SBNO1: variants seen among roughly 807,000 people sequenced by gnomAD.
SBNO1 encodes protein strawberry notch homolog 1.
Under a neutral mutation model 173.6 loss-of-function variants are expected in SBNO1, and 23 were observed. The ratio of observed to expected loss-of-function variants is 0.13; its 90% CI spans 0.10 to 0.19. SBNO1 has a LOEUF of 0.19. Among genes scored for constraint, SBNO1 ranks in the 10% least tolerant of loss-of-function variants. SBNO1 has a pLI of 1.00. For synonymous variants in SBNO1, 632 were observed against 571.5 expected (o/e 1.11, Z -1.51); for missense variants, 1,238 against 1,671.2 (o/e 0.74, Z 4.52).
Position 123,293,944 on chromosome 12 carries a change from G to A in SBNO1, c.*1964C>T, listed in dbSNP as rs774959755. 2.0e-5 allele frequency: 3 copies of A among 152,338 alleles called. No individual in the cohort carries two copies. Among genetic ancestry groups the A allele is most frequent in the South Asian group, 2.1e-4 (1 of 4,828 alleles). 9.4% of individuals were successfully genotyped at this position (152,338 alleles called of 1,614,324 possible). On this transcript the variant is annotated 3_prime_UTR_variant, in exon 32 of 32. Coordinates refer to ENST00000602398, the MANE Select transcript of SBNO1 (RefSeq NM_001167856.3). ...AGTGGGGGACACTTCCATTGCTGATGGAAGCTGCCTACTGCTTTTAAAAAC... is the reference window on the plus strand; with the variant it reads ...AGTGGGGGACACTTCCATTGCTGATAGAAGCTGCCTACTGCTTTTAAAAAC...
In SBNO1 at chr12:123,292,308, T is replaced by G. The variant is rs1410161642; in HGVS notation, c.*3600A>C. The G allele has an allele frequency of 6.6e-6, 1 of 152,132 alleles. No homozygotes were observed. The highest frequency in any genetic ancestry group is 1.5e-5 in the Non-Finnish European group (1 of 68,028). 9.4% of individuals were successfully genotyped at this position (152,132 alleles called of 1,614,324 possible). A position where few individuals can be genotyped will look rare whatever the true frequency, so the allele number is the denominator to read the frequency against. On this transcript the variant is annotated 3_prime_UTR_variant, in exon 32 of 32. Transcript: ENST00000602398. ...CTACCAAGTATCACACAGGTACATG[T>G]GTATGGGGACCTTCCTCTTGACTGC...
In SBNO1 at chr12:123,334,133, T is replaced by C; in HGVS notation, c.829A>G (p.Lys277Glu). 6.2e-7 allele frequency: 1 copy of C among 1,606,242 alleles called. No homozygotes were observed. ...SSVTPPDVWY[K>E]TSISEETIDN... ...ATGGTTTCCTCAGAAATGGATGTTT[T>C]GTACCAAACATCAGGAGGAGTAACA... Residue 277 changes from lysine to glutamate, a missense_variant, in exon 7 of 32, where the codon AAA (lysine) becomes GAA (glutamate). Physicochemically the swap from Lys to Glu is moderately conservative, Grantham distance 56 (BLOSUM62 1). Coordinates refer to ENST00000602398, the MANE Select transcript of SBNO1 (RefSeq NM_001167856.3).
chr12:123,317,079 C>T, intron 21 of SBNO1, 142 bp downstream of exon 21: 1 of 788,554 alleles, frequency 1.3e-6, no homozygotes, highest in Non-Finnish European at 2.1e-6. Flanking sequence ...CTCAAGTTAT[C>T]CTCCCACAGT....
At chr12:123,358,742 C>CAAA (rs1164585887) in intron 1 of SBNO1, among the ~76,000 whole-genome samples, 25 of 78,384 alleles carry the variant, frequency 3.2e-4, no homozygotes, top group East Asian at 1.3e-3. Flanking sequence ...GACTCCGTCT[C>CAAA]AAAAAAAAAA....
chr12:123,297,146 G>A (rs553860569), intron 31 of SBNO1, among the ~76,000 whole-genome samples: 17 of 150,858 alleles, frequency 1.1e-4, no homozygotes, highest in Non-Finnish European at 2.2e-4. Flanking sequence ...GATCACTTGA[G>A]GTCAGGAGTT....
chr12:123,319,373 T>A (rs920661237), intron 20 of SBNO1, among the ~76,000 whole-genome samples: 1 of 152,184 alleles, frequency 6.6e-6, no homozygotes, highest in Non-Finnish European at 1.5e-5. Context: ...TATTCAATGA[T>A]AAAATAATAA....
intron 5 of SBNO1, among the ~76,000 whole-genome samples, chr12:123,338,370 T>C (rs1872108650): frequency 6.6e-6 from 1 of 151,726 alleles, no homozygotes; most frequent in South Asian, 2.1e-4. Flanking sequence ...CTGGCCAACA[T>C]GGCAAAACCC....
chr12:123,313,068 T>A (rs1448568707), intron 24 of SBNO1, among the ~76,000 whole-genome samples: 1 of 151,792 alleles, frequency 6.6e-6, no homozygotes, highest in Non-Finnish European at 1.5e-5. Flanking sequence ...CTGGGTGTGG[T>A]GGCATGTGCC....
intron 24 of SBNO1, among the ~76,000 whole-genome samples, chr12:123,313,247 A>AATAC (rs1868831206): frequency 1.4e-5 from 2 of 147,708 alleles, no homozygotes; most frequent in African/African-American, 2.5e-5. Flanking sequence ...TAAATAAATA[A>AATAC]ATAAATAATT....
chr12:123,326,290 A>C lies in SBNO1; in HGVS notation c.1737T>G (p.Ile579Met). ...RERFQQAADL[I>M]DAEQRMKKSM... ...ACTTCTTCATTCGTTGCTCAGCATC[A>C]ATCAGATCTGCAGCTTGCTGAAACC... The change falls in exon 14 of 32, where the codon ATT becomes ATG. Residue 579 changes from isoleucine to methionine, a missense_variant. Physicochemically the swap from Ile to Met is conservative, Grantham distance 10 (BLOSUM62 1). Transcript: ENST00000602398. 2 of 1,612,474 alleles carry C rather than the reference A, an allele frequency of 1.2e-6. No homozygotes were observed. The highest frequency in any genetic ancestry group is 8.5e-7 in the Non-Finnish European group (1 of 1,179,028).
intron 24 of SBNO1, among the ~76,000 whole-genome samples, chr12:123,311,691 C>CCTAT (rs1313680603): frequency 0.02 from 2,438 of 121,574 alleles, 40 homozygotes; most frequent in South Asian, 0.026. Context: ...AAACAAGTAA[C>CCTAT]CTATCTATCT....
intron 23 of SBNO1, among the ~76,000 whole-genome samples, chr12:123,315,130 A>G (rs1344433141): frequency 6.6e-6 from 1 of 152,234 alleles, no homozygotes; most frequent in Non-Finnish European, 1.5e-5. Context: ...GAGAACTCAC[A>G]GTTAATTCAG....
chr12:123,323,894 TATTAAATATATTGA>T, intron 15 of SBNO1, 63 bp from the exon 16 acceptor site: 1 of 1,170,628 alleles, frequency 8.5e-7, no homozygotes, highest in South Asian at 1.7e-5. Context: ...TGTAAAGTAT[TATTAAATATATTGA>T]AATATACTTT....
intron 29 of SBNO1, among the ~76,000 whole-genome samples, chr12:123,303,753 T>G (rs901132812): frequency 1.3e-5 from 2 of 151,814 alleles, no homozygotes; most frequent in Non-Finnish European, 2.9e-5. Context: ...TCTAGCACTT[T>G]GGGAGGCAGA....
At position 123,364,493 on chromosome 12, in the gene SBNO1, G is replaced by A. The variant is rs545494750; in HGVS notation, c.-1+208C>T. ...CCCGGCGCTGACGAACAGAGGAAGC[G>A]AGTACAACGGAGCCGCCGTCGGGAA... On this transcript the variant is annotated intron_variant, in intron 1 of 31. Transcript: ENST00000602398. 17 of 984,094 alleles carry A rather than the reference G, an allele frequency of 1.7e-5. No individual in the cohort carries two copies. In the African/African-American group the frequency reaches 2.8e-4, roughly 16 times the overall value. The allele number at this position is 984,094 out of a possible 1,614,324, so 61.0% of individuals were successfully genotyped here. A position where few individuals can be genotyped will look rare whatever the true frequency, so the allele number is the denominator to read the frequency against.
At chr12:123,345,132 C>G in intron 4 of SBNO1, 126 bp downstream of exon 4, 1 of 767,460 alleles carries the variant, frequency 1.3e-6, no homozygotes, top group Non-Finnish European at 2.1e-6. Flanking sequence ...ACTGTAAGTA[C>G]GCAAAATAAT....
chr12:123,358,479 C>T (rs1593423557), intron 1 of SBNO1, among the ~76,000 whole-genome samples: 2 of 152,004 alleles, frequency 1.3e-5, no homozygotes, highest in South Asian at 2.1e-4. Flanking sequence ...ACGGGCCAGG[C>T]GCGGTGGCTC....
chr12:123,309,970 T>TACA (rs1174912963), intron 25 of SBNO1, 114 bp from the exon 26 acceptor site: 14 of 779,256 alleles, frequency 1.8e-5, no homozygotes, highest in Non-Finnish European at 2.7e-5. Flanking sequence ...TCTTAACTCT[T>TACA]ACACTGTCCT....
chr12:123,333,643 C>T (rs115842533), intron 7 of SBNO1, among the ~76,000 whole-genome samples: 3,107 of 151,722 alleles, frequency 0.02, 115 homozygotes, highest in African/African-American at 0.07. Flanking sequence ...ACTACAGGTG[C>T]GTGCCACTAC....
Sources: allele counts gnomAD v4.1 joint callset (sites outside exome capture counted in the v4.1 genomes callset), GRCh38; gene constraint gnomAD v4.1.1; transcripts MANE v1.5; gene names NCBI Gene and HGNC (gene_info 2026-07-23, HGNC 2026-07-21).